CMTM4: variants seen among roughly 807,000 people sequenced by gnomAD.
CMTM4 encodes CKLF-like MARVEL transmembrane domain-containing protein 4.
CMTM4 carries 8 observed loss-of-function variants against 19.0 expected under a neutral mutation model. The observed-to-expected ratio is 0.42, with a 90% CI of 0.25 to 0.76. The LOEUF is 0.76. Ranked by LOEUF, CMTM4 falls within the 30% of genes least tolerant of loss-of-function variation. The pLI is 0.27. For missense variants in CMTM4, 228 were observed against 290.2 expected (o/e 0.79, Z 1.56); for synonymous variants, 106 against 121.1 (o/e 0.88, Z 0.82).
Position 66,636,522 on chromosome 16 carries a change from T to G in CMTM4, c.246A>C (p.Glu82Asp). The change falls in exon 2 of 4, where the codon GAA (glutamate) becomes GAC (aspartate). Residue 82 changes from glutamate (E) to aspartate (D), a missense_variant. By Grantham distance (45) the Glu-to-Asp change is conservative. Coordinates refer to ENST00000394106, the MANE Select transcript of CMTM4 (RefSeq NM_181521.3). ...IETIMACSPCEGLYFFEFVSC... is the reference protein window; with the variant it reads ...IETIMACSPCDGLYFFEFVSC... ...TCACAAACTCAAAAAAGTAGAGGCCTTCACACGGGGAGCATGCCATGATGG... is the reference window on the plus strand; with the variant it reads ...TCACAAACTCAAAAAAGTAGAGGCCGTCACACGGGGAGCATGCCATGATGG... 1 of 1,614,194 alleles carries G rather than the reference T, an allele frequency of 6.2e-7. No homozygotes were observed. Among genetic ancestry groups the G allele is most frequent in the Non-Finnish European group, 8.5e-7 (1 of 1,180,024 alleles).
intron 2 of CMTM4, among the ~76,000 whole-genome samples, chr16:66,628,495 T>C (rs939135627): frequency 6.6e-6 from 1 of 152,240 alleles, no homozygotes; most frequent in Non-Finnish European, 1.5e-5. Context: ...CCAAGCATAC[T>C]GCTTGTAAAC....
intron 1 of CMTM4, among the ~76,000 whole-genome samples, chr16:66,686,253 C>CAA (rs74924092): frequency 2.5e-4 from 24 of 95,490 alleles, no homozygotes; most frequent in African/African-American, 8.1e-4. Flanking sequence ...ATTCCGTCTC[C>CAA]AAAAAAAAAA....
At chr16:66,656,488 C>T (rs548700802) in intron 1 of CMTM4, among the ~76,000 whole-genome samples, 11 of 152,038 alleles carry the variant, frequency 7.2e-5, no homozygotes, top group South Asian at 2.1e-4. Context: ...CTCAGCCTCC[C>T]GAGTAGCTGG....
At chr16:66,679,806 A>G (rs1445012332) in intron 1 of CMTM4, among the ~76,000 whole-genome samples, 2 of 149,762 alleles carry the variant, frequency 1.3e-5, no homozygotes, top group East Asian at 2.0e-4. Context: ...CCTGGGTGAC[A>G]GTGCGAGACT....
At chr16:66,653,301 CATATCA>C (rs2016343938) in intron 1 of CMTM4, among the ~76,000 whole-genome samples, 1 of 152,140 alleles carries the variant, frequency 6.6e-6, no homozygotes, top group African/African-American at 2.4e-5. Flanking sequence ...TAGTGAACTG[CATATCA>C]TACATAAGAG....
At chr16:66,604,406 TCCCAGACA>T in the CMTM4 span, 1 of 162,556 alleles carries the variant, frequency 6.2e-6, no homozygotes, top group Admixed American at 6.5e-5. Flanking sequence ...GGTTCCCGGA[TCCCAGACA>T]CGCGCACGGG....
At chr16:66,683,176 CATATGTATATATATATACATAT>C (rs1241774489) in intron 1 of CMTM4, among the ~76,000 whole-genome samples, 8 of 106,048 alleles carry the variant, frequency 7.5e-5, no homozygotes, top group East Asian at 3.0e-4. Flanking sequence ...TATATATATA[CATATGTATATATATATACATAT>C]ATATATATAT....
At chr16:66,674,457 T>TACAGCGGAAATTCTA (rs993486146) in intron 1 of CMTM4, among the ~76,000 whole-genome samples, 4 of 152,114 alleles carry the variant, frequency 2.6e-5, no homozygotes, top group African/African-American at 9.7e-5. Flanking sequence ...CAGGGACAAC[T>TACAGCGGAAATTCTA]ACAGCGGAAA....
At chr16:66,645,112 A>G (rs958199403) in intron 1 of CMTM4, among the ~76,000 whole-genome samples, 1 of 149,016 alleles carries the variant, frequency 6.7e-6, no homozygotes, top group Non-Finnish European at 1.5e-5. Context: ...GGTGAAACCC[A>G]GTCTCTACTA....
intron 1 of CMTM4, among the ~76,000 whole-genome samples, chr16:66,637,956 A>T (rs1459951353): frequency 6.6e-6 from 1 of 152,200 alleles, no homozygotes. Flanking sequence ...CTTTCTGATG[A>T]GATCTTCAGA....
intron 1 of CMTM4, among the ~76,000 whole-genome samples, chr16:66,673,630 T>C (rs1287080869): frequency 6.6e-6 from 1 of 152,232 alleles, no homozygotes; most frequent in Non-Finnish European, 1.5e-5. Context: ...CCTCTTAATA[T>C]GGCATTCCTT....
intron 1 of CMTM4, among the ~76,000 whole-genome samples, chr16:66,664,934 G>A (rs985037804): frequency 1.3e-5 from 2 of 151,752 alleles, no homozygotes; most frequent in African/African-American, 4.8e-5. Flanking sequence ...TTCAAGGCCA[G>A]CCTGGGTGAC....
intron 1 of CMTM4, among the ~76,000 whole-genome samples, chr16:66,654,595 T>C (rs1056835843): frequency 2.2e-4 from 34 of 152,164 alleles, no homozygotes; most frequent in African/African-American, 7.5e-4. Context: ...AAAAATCCTC[T>C]TGCCGTTAGC....
chr16:66,623,577 C>G (rs1355148351), intron 2 of CMTM4, 75 bp from the exon 3 acceptor site: 1 of 1,051,036 alleles, frequency 9.5e-7, no homozygotes, highest in Non-Finnish European at 1.4e-6. Flanking sequence ...GGAGAACTTT[C>G]AAAATAAGAC....
At chr16:66,689,485 C>T (rs573529905) in intron 1 of CMTM4, among the ~76,000 whole-genome samples, 17 of 152,240 alleles carry the variant, frequency 1.1e-4, no homozygotes, top group Admixed American at 6.5e-4. Context: ...GATCGCGGCT[C>T]ACCGCAGCCT....
chr16:66,605,819 G>A, the CMTM4 span, among the ~76,000 whole-genome samples: 1 of 152,110 alleles, frequency 6.6e-6, no homozygotes, highest in Non-Finnish European at 1.5e-5. This position sits in a 1 kb window ranked among gnomAD's most constrained non-coding sequence, Gnocchi z 4.6. Flanking sequence ...ATTCTGCTCC[G>A]GGACCTCTCC....
chr16:66,611,352 C>T (rs983499165), downstream of CMTM4, among the ~76,000 whole-genome samples: 1 of 152,042 alleles, frequency 6.6e-6, no homozygotes, highest in Non-Finnish European at 1.5e-5. Flanking sequence ...ACTTGGGAGG[C>T]TGAGGCAGGA....
rs146537815 is a variant in CMTM4 at position 66,658,577 on chromosome 16, T to C, written c.187-21996A>G. Among the ~76,000 whole-genome samples, 41 of 152,216 alleles carry C rather than the reference T, an allele frequency of 2.7e-4. No homozygotes were observed. In the East Asian group the frequency reaches 7.9e-3, roughly 29 times the overall value. On this transcript the variant is annotated intron_variant, in intron 1 of 3. Transcript: ENST00000394106. ...GGTTCATCCAGGGATCCTTTCAAAA[T>C]CCTGATACCCACATTGGGCTCTAGG... is the stretch of plus-strand genomic sequence containing the variant.
At chr16:66,629,081 A>G (rs2015799913) in intron 2 of CMTM4, among the ~76,000 whole-genome samples, 3 of 152,226 alleles carry the variant, frequency 2.0e-5, no homozygotes, top group African/African-American at 4.8e-5. Flanking sequence ...TAATACTGGA[A>G]TACTGCAAAT....
Sources: allele counts gnomAD v4.1 joint callset (sites outside exome capture counted in the v4.1 genomes callset), GRCh38; gene constraint gnomAD v4.1.1; non-coding constraint Gnocchi (gnomAD v3.1); transcripts MANE v1.5; gene names NCBI Gene and HGNC (gene_info 2026-07-23, HGNC 2026-07-21).